The following CPA6 variants were observed in gnomAD, a reference collection of about 807,000 sequenced individuals.
CPA6 encodes carboxypeptidase B.
CPA6 carries 58 observed loss-of-function variants against 63.3 expected under a neutral mutation model. The observed-to-expected ratio is 0.92, with a 90% CI of 0.74 to 1.14. The LOEUF is 1.14. Ranked by LOEUF, CPA6 falls within the 50% of genes most tolerant of loss-of-function variation. The probability of loss-of-function intolerance (pLI) is 0.00; values close to 1 mark genes in which losing one functional copy is unlikely to be tolerated. For missense variants in CPA6, 565 were observed against 526.6 expected (o/e 1.07, Z -0.71); for synonymous variants, 185 against 179.0 (o/e 1.03, Z -0.27).
At chr8:67,722,260 A>C (rs1024782041) in intron 1 of CPA6, among the ~76,000 whole-genome samples, 7 of 152,198 alleles carry the variant, frequency 4.6e-5, no homozygotes, top group Non-Finnish European at 8.8e-5. Flanking sequence ...AGATTTCAAC[A>C]ATAGTCCCCA....
chr8:67,434,005 G>A (rs781462100), intron 9 of CPA6, 33 bp downstream of exon 9: 1 of 1,486,910 alleles, frequency 6.7e-7, no homozygotes, highest in East Asian at 2.3e-5. Flanking sequence ...GCAGCATGAA[G>A]CCTGATGTAC....
At chr8:67,591,228 G>C (rs1814114637) in intron 2 of CPA6, among the ~76,000 whole-genome samples, 1 of 152,086 alleles carries the variant, frequency 6.6e-6, no homozygotes, top group Non-Finnish European at 1.5e-5. Flanking sequence ...GGGCTCTGGT[G>C]TGTTCCATTG....
At position 67,426,335 on chromosome 8, in the gene CPA6, T is replaced by A. The variant is rs117469827; in HGVS notation, c.1126+1712A>T. Among the ~76,000 whole-genome samples the A allele has an allele frequency of 2.4e-3, 373 of 152,326 alleles. 3 individuals are homozygous for A. Among genetic ancestry groups the A allele is most frequent in the Non-Finnish European group, 3.6e-3 (244 of 68,034 alleles). On this transcript the variant is annotated intron_variant, in intron 10 of 10. Coordinates refer to ENST00000297770, the MANE Select transcript of CPA6 (RefSeq NM_020361.5). The stretch of plus-strand genomic sequence containing the variant: ...ATAATACTCTGACTGTGACTCTATA[T>A]GAAGTTGAAAAGGTAAATGGTTAGT...
At chr8:67,521,971 A>T (rs1423455579) in intron 2 of CPA6, among the ~76,000 whole-genome samples, 1 of 152,120 alleles carries the variant, frequency 6.6e-6, no homozygotes, top group Non-Finnish European at 1.5e-5. Flanking sequence ...CTTATTGGTC[A>T]ATATTTAATA....
At chr8:67,557,635 G>T (rs1412861265) in intron 2 of CPA6, among the ~76,000 whole-genome samples, 1 of 152,128 alleles carries the variant, frequency 6.6e-6, no homozygotes. Flanking sequence ...CAGGGTGTCT[G>T]CTCAGAGCTC....
At chr8:67,610,769 C>T (rs993442516) in intron 2 of CPA6, among the ~76,000 whole-genome samples, 5 of 151,206 alleles carry the variant, frequency 3.3e-5, no homozygotes, top group Non-Finnish European at 5.9e-5. Context: ...CAACAAAAAC[C>T]TTTTTTTTTG....
intron 9 of CPA6, among the ~76,000 whole-genome samples, chr8:67,431,119 CTCCCAA>C (rs1810018284): frequency 1.3e-5 from 2 of 152,170 alleles, no homozygotes. Flanking sequence ...CAGCCTGGGC[CTCCCAA>C]AGTGCTGGGA....
At chr8:67,588,105 T>G (rs1813996961) in intron 2 of CPA6, among the ~76,000 whole-genome samples, 1 of 152,138 alleles carries the variant, frequency 6.6e-6, no homozygotes, top group African/African-American at 2.4e-5. Flanking sequence ...ATTCCTAGAT[T>G]TATTGATAAC....
intron 2 of CPA6, among the ~76,000 whole-genome samples, chr8:67,521,293 AG>A (rs2128967375): frequency 1.3e-5 from 2 of 152,402 alleles, no homozygotes; most frequent in South Asian, 4.1e-4. Flanking sequence ...TAAGAGGCCA[AG>A]GTATTTCAGT....
At chr8:67,722,343 T>G (rs1316744386) in intron 1 of CPA6, among the ~76,000 whole-genome samples, 1 of 152,202 alleles carries the variant, frequency 6.6e-6, no homozygotes, top group Non-Finnish European at 1.5e-5. Flanking sequence ...TGGGTCCAAT[T>G]TCTGGATACT....
chr8:67,610,949 A>G (rs1319033555), intron 2 of CPA6, among the ~76,000 whole-genome samples: 1 of 152,174 alleles, frequency 6.6e-6, no homozygotes, highest in Non-Finnish European at 1.5e-5. Flanking sequence ...ATTAAATAAC[A>G]TGTATTTGCC....
rs73683161 is a variant in CPA6 at position 67,672,655 on chromosome 8, G to A, written c.117-48404C>T. On this transcript the variant is annotated intron_variant, in intron 1 of 10. Coordinates refer to ENST00000297770, the MANE Select transcript of CPA6 (RefSeq NM_020361.5). ...TATGAACACACAGGGACAAAAACCC[G>A]GAACAATTTATATTTCATTTTGAAA... 7.2e-3 allele frequency among the ~76,000 whole-genome samples: 1,098 copies of A among 152,200 alleles called. 19 individuals carry two copies. Among genetic ancestry groups the A allele is most frequent in the African/African-American group, 0.025 (1,042 of 41,526 alleles).
At chr8:67,667,645 G>C (rs1816260157) in intron 1 of CPA6, among the ~76,000 whole-genome samples, 1 of 152,216 alleles carries the variant, frequency 6.6e-6, no homozygotes, top group African/African-American at 2.4e-5. Flanking sequence ...TCAGAGTTAG[G>C]AGTGAAACTG....
At chr8:67,502,489 T>G (rs931177576) in intron 6 of CPA6, among the ~76,000 whole-genome samples, 2 of 152,162 alleles carry the variant, frequency 1.3e-5, no homozygotes, top group Non-Finnish European at 2.9e-5. Context: ...ATTTCATTTA[T>G]TTTTGCTCTT....
At chr8:67,691,426 C>G (rs979972699) in intron 1 of CPA6, among the ~76,000 whole-genome samples, 1 of 152,138 alleles carries the variant, frequency 6.6e-6, no homozygotes, top group African/African-American at 2.4e-5. Flanking sequence ...AGGCCTGTCC[C>G]CCAAAACTGC....
chr8:67,524,311 G>A (rs892323752), intron 2 of CPA6, among the ~76,000 whole-genome samples: 7 of 152,082 alleles, frequency 4.6e-5, no homozygotes, highest in Admixed American at 2.6e-4. Flanking sequence ...TCCTAGGGCC[G>A]TCATAACAAA....
chr8:67,523,959 G>C (rs978364954), intron 2 of CPA6, among the ~76,000 whole-genome samples: 3 of 152,150 alleles, frequency 2.0e-5, no homozygotes, highest in African/African-American at 4.8e-5. Context: ...GGTTAGGCAG[G>C]GCACTTATGT....
At position 67,527,058 on chromosome 8, in the gene CPA6, C is replaced by G. The variant is rs1812378383; in HGVS notation, c.193-9011G>C. Reference sequence around the variant, plus strand: ...AATGGATGGAAATAATCAGAGATCACCTGGCATGACCCATTAAGAAGTACA... The same window carrying G: ...AATGGATGGAAATAATCAGAGATCAGCTGGCATGACCCATTAAGAAGTACA... On this transcript the variant is annotated intron_variant, in intron 2 of 10. Transcript: ENST00000297770. Among the ~76,000 whole-genome samples the G allele has an allele frequency of 2.6e-5, 4 of 152,324 alleles. No homozygotes were observed. The South Asian group carries it at 8.3e-4, about 32-fold the overall frequency.
intron 2 of CPA6, among the ~76,000 whole-genome samples, chr8:67,599,020 ATACT>A (rs1814421125): frequency 6.6e-6 from 1 of 152,184 alleles, no homozygotes; most frequent in South Asian, 2.1e-4. Context: ...AATTATTATA[ATACT>A]TAATATTAGC....
Sources: allele counts gnomAD v4.1 joint callset (sites outside exome capture counted in the v4.1 genomes callset), GRCh38; gene constraint gnomAD v4.1.1; transcripts MANE v1.5; gene names NCBI Gene and HGNC (gene_info 2026-07-23, HGNC 2026-07-21).